The following KLHL13 variants were observed in gnomAD, a reference collection of about 807,000 sequenced individuals.
KLHL13 encodes the protein kelch like family member 13.
Under a neutral mutation model 37.1 loss-of-function variants are expected in KLHL13, and 10 were observed. The observed-to-expected ratio is 0.27, with a 90% confidence interval of 0.17 to 0.46. KLHL13 has a LOEUF of 0.46. KLHL13 is among the 20% of genes least tolerant of loss of function. The probability of loss-of-function intolerance (pLI) is 1.00; values close to 1 mark genes in which losing one functional copy is unlikely to be tolerated. For missense variants in KLHL13, 360 were observed against 509.3 expected, an observed-to-expected ratio of 0.71 and a Z score of 2.82; for synonymous variants, 163 against 181.2, an observed-to-expected ratio of 0.90 and a Z score of 0.81.
intron 5 of KLHL13, among the ~76,000 whole-genome samples, chrX:117,908,310 A>G (rs913366748): frequency 4.6e-5 from 5 of 108,324 alleles, no homozygotes; most frequent in Admixed American, 2.0e-4. Context: ...TTGTTACATA[A>G]GTATACACGT....
intron 5 of KLHL13, among the ~76,000 whole-genome samples, chrX:117,903,173 G>GC (rs1491190040): frequency 2.1e-5 from 2 of 96,720 alleles, no homozygotes; most frequent in African/African-American, 8.8e-5. Context: ...GAGAGAGAGA[G>GC]GAGAGCGAGA....
intron 2 of KLHL13, among the ~76,000 whole-genome samples, chrX:117,943,853 C>T (rs1933179463): frequency 9.1e-6 from 1 of 110,380 alleles, no homozygotes; most frequent in Non-Finnish European, 1.9e-5. Flanking sequence ...CATTCTCTGT[C>T]CACTTTTGTT....
chrX:117,974,353 A>T (rs2053571123), upstream of KLHL13, among the ~76,000 whole-genome samples: 1 of 112,027 alleles, frequency 8.9e-6, no homozygotes, highest in Admixed American at 9.5e-5. Flanking sequence ...ACCTATTTTT[A>T]AAAAATCACT....
In KLHL13 at chrX:118,098,372, G is replaced by GAGATAC. The variant is rs1220763426; in HGVS notation, c.-56+18130_-56+18135dup. ...GAGAAATGCAAATCAAAACCACAAT[G>GAGATAC]AGATACCAACTCACACCAGTTAGAA... On this transcript the variant is annotated intron_variant, in intron 1 of 6. Transcript: ENST00000371882. Among the ~76,000 whole-genome samples the GAGATAC allele has an allele frequency of 3.6e-5, 4 of 111,583 alleles. No homozygotes were observed. In the East Asian group the frequency reaches 1.1e-3, roughly 31 times the overall value.
intron 1 of KLHL13, among the ~76,000 whole-genome samples, chrX:118,043,057 T>G (rs1416984273): frequency 9.0e-6 from 1 of 110,887 alleles, no homozygotes; most frequent in Non-Finnish European, 1.9e-5. Context: ...AAAGGAGACA[T>G]TACAACTGAT....
intron 1 of KLHL13, among the ~76,000 whole-genome samples, chrX:118,114,509 A>C (rs2055446620): frequency 1.8e-5 from 2 of 112,603 alleles, no homozygotes; most frequent in African/African-American, 3.2e-5. Flanking sequence ...AATAAGCATG[A>C]AAAGAAAAAA....
chrX:118,111,726 A>C (rs940184003), intron 1 of KLHL13, among the ~76,000 whole-genome samples: 1 of 112,055 alleles, frequency 8.9e-6, no homozygotes, highest in African/African-American at 3.2e-5. Context: ...CCCTGTCTCT[A>C]CTAAAAATAC....
At chrX:117,917,081 T>A (rs1341271672) in intron 4 of KLHL13, among the ~76,000 whole-genome samples, 1 of 111,192 alleles carries the variant, frequency 9.0e-6, no homozygotes, top group Non-Finnish European at 1.9e-5. Context: ...TAGGTTTAAC[T>A]AAAAAAACAG....
intron 1 of KLHL13, among the ~76,000 whole-genome samples, chrX:117,962,513 G>T (rs773886307): frequency 1.8e-5 from 2 of 110,848 alleles, no homozygotes; most frequent in African/African-American, 3.3e-5. Context: ...GTGCTTCAAG[G>T]AACTATGGAA....
intron 1 of KLHL13, among the ~76,000 whole-genome samples, chrX:118,023,878 A>G (rs1008431693): frequency 2.7e-5 from 3 of 111,940 alleles, no homozygotes; most frequent in Non-Finnish European, 5.6e-5. Context: ...GTTTTACTGT[A>G]TTTGGAATTT....
intron 1 of KLHL13, among the ~76,000 whole-genome samples, chrX:118,070,746 T>TTTTA (rs199522673): frequency 0.17 from 17,961 of 107,143 alleles, 2,519 homozygotes; most frequent in African/African-American, 0.44. Context: ...TTTTAAATAT[T>TTTTA]TTTATTTATT....
At chrX:118,015,524 T>C (rs2054118570) in intron 1 of KLHL13, among the ~76,000 whole-genome samples, 1 of 110,665 alleles carries the variant, frequency 9.0e-6, no homozygotes, top group African/African-American at 3.3e-5. Flanking sequence ...GTAGATGAGA[T>C]TGCACAGGAA....
intron 5 of KLHL13, among the ~76,000 whole-genome samples, chrX:117,908,552 T>A (rs1930738318): frequency 9.0e-6 from 1 of 111,481 alleles, no homozygotes; most frequent in South Asian, 3.7e-4. Context: ...GCCTTTATTT[T>A]TGGAAAAATT....
intron 1 of KLHL13, among the ~76,000 whole-genome samples, chrX:117,965,671 C>T (rs1569428170): frequency 9.0e-6 from 1 of 111,310 alleles, no homozygotes; most frequent in South Asian, 3.8e-4. Context: ...TACTGGCAAA[C>T]GGAATCCAGC....
At chrX:118,091,576 A>G (rs1208391380) in intron 1 of KLHL13, among the ~76,000 whole-genome samples, 2 of 110,816 alleles carry the variant, frequency 1.8e-5, no homozygotes, top group Admixed American at 1.9e-4. Flanking sequence ...ACAGAAGAAC[A>G]CTAATTATCC....
intron 1 of KLHL13, among the ~76,000 whole-genome samples, chrX:117,991,032 G>A (rs2147946021): frequency 9.1e-6 from 1 of 109,332 alleles, no homozygotes; most frequent in African/African-American, 3.4e-5. Flanking sequence ...GAGTGGGTGT[G>A]GAGGTTCCTG....
intron 1 of KLHL13, among the ~76,000 whole-genome samples, chrX:118,079,339 A>C (rs1330683396): frequency 2.7e-5 from 3 of 111,159 alleles, no homozygotes; most frequent in Non-Finnish European, 5.7e-5. Flanking sequence ...TAGGAAAAAA[A>C]GAAGTTAAAC....
intron 1 of KLHL13, among the ~76,000 whole-genome samples, chrX:117,997,188 T>G (rs2053863871): frequency 9.1e-6 from 1 of 110,472 alleles, no homozygotes; most frequent in Non-Finnish European, 1.9e-5. Flanking sequence ...TATGCTACAT[T>G]TTTTCATAAA....
At chrX:117,972,094 C>G (rs1446175562) in intron 1 of KLHL13, among the ~76,000 whole-genome samples, 2 of 111,886 alleles carry the variant, frequency 1.8e-5, no homozygotes, top group African/African-American at 6.5e-5. Flanking sequence ...ACTTAAAATA[C>G]ATTTTTAAAA....
Sources: allele counts gnomAD v4.1 joint callset (sites outside exome capture counted in the v4.1 genomes callset), GRCh38; gene constraint gnomAD v4.1.1; transcripts MANE v1.5; gene names NCBI Gene and HGNC (gene_info 2026-07-23, HGNC 2026-07-21).